Variants in TMTC1 observed in about 807,000 individuals in gnomAD.
TMTC1 encodes protein O-mannosyl-transferase TMTC1.
A neutral mutation model predicts 104.8 loss-of-function variants in TMTC1; 73 were observed. The observed-to-expected ratio is 0.70, with a 90% CI of 0.58 to 0.85. TMTC1 has a LOEUF of 0.85. TMTC1 is among the 40% of genes least tolerant of loss of function. The probability of loss-of-function intolerance (pLI) is 0.00; values close to 1 mark genes in which losing one functional copy is unlikely to be tolerated. For synonymous variants in TMTC1, 434 were observed against 428.7 expected (o/e 1.01, Z -0.15); for missense variants, 1,035 against 1,096.1 (o/e 0.94, Z 0.79).
intron 5 of TMTC1, among the ~76,000 whole-genome samples, chr12:29,663,165 T>C (rs1223721082): frequency 1.3e-5 from 2 of 152,182 alleles, no homozygotes; most frequent in African/African-American, 4.8e-5. Flanking sequence ...GCCTAAAAGG[T>C]AAAGCCCTGC....
chr12:29,507,115 T>C (rs1038984978), intron 17 of TMTC1, 129 bp from the exon 18 acceptor site: 2 of 751,610 alleles, frequency 2.7e-6, no homozygotes, highest in Admixed American at 2.5e-5. Flanking sequence ...ACTCTGTCTG[T>C]ATGTGTAATT....
intron 11 of TMTC1, among the ~76,000 whole-genome samples, chr12:29,532,170 C>T (rs1370650698): frequency 2.0e-5 from 3 of 152,078 alleles, no homozygotes; most frequent in African/African-American, 7.2e-5. Context: ...ATTTTTCTAG[C>T]CCTGATCTCT....
chr12:29,660,853 A>G (rs1173604016), intron 5 of TMTC1: 2 of 1,506,284 alleles, frequency 1.3e-6, no homozygotes, highest in Non-Finnish European at 1.8e-6. Context: ...CATGGTAAGC[A>G]GGAAATTTCT....
intron 7 of TMTC1, among the ~76,000 whole-genome samples, chr12:29,602,134 T>A (rs1250096573): frequency 2.0e-5 from 3 of 151,366 alleles, no homozygotes; most frequent in Middle Eastern, 3.4e-3. Flanking sequence ...GCGCCTGGCA[T>A]CTCATGTTTT....
In TMTC1 at chr12:29,503,184, T is replaced by C. The variant is rs1257878885; in HGVS notation, c.*3662A>G. On this transcript the variant is annotated 3_prime_UTR_variant, in exon 18 of 18. Coordinates refer to ENST00000539277, the MANE Select transcript of TMTC1 (RefSeq NM_001193451.2). ...GAATCTTATGCTAAGGGTTGTGAAG[T>C]ACTGCAGGAGGTTGGAATTAAAGTG... 1 of 152,194 alleles carries C rather than the reference T, an allele frequency of 6.6e-6. No homozygotes were observed. The highest frequency in any genetic ancestry group is 2.4e-5 in the African/African-American group (1 of 41,454). 9.4% of individuals were successfully genotyped at this position (152,194 alleles called of 1,614,324 possible). A position where few individuals can be genotyped will look rare whatever the true frequency, so the allele number is the denominator to read the frequency against.
At chr12:29,724,561 T>C (rs1373218218) in intron 5 of TMTC1, among the ~76,000 whole-genome samples, 6 of 152,160 alleles carry the variant, frequency 3.9e-5, no homozygotes, top group East Asian at 3.9e-4. Context: ...CAGCATTACA[T>C]AGAGTATTAC....
chr12:29,722,590 G>A (rs981920779), intron 5 of TMTC1, among the ~76,000 whole-genome samples: 4 of 152,086 alleles, frequency 2.6e-5, no homozygotes, highest in African/African-American at 9.7e-5. Context: ...TGTATATGTC[G>A]ATGATCTAAA....
rs573538088 is a variant in TMTC1, at chr12:29,696,024, G to A, written c.938+55642C>T. On this transcript the variant is annotated intron_variant, in intron 5 of 17. Transcript: ENST00000539277. ...TTGATGGATGGCAGTTATTTTCCAC[G>A]ACTCCTATTACCTTCCAGTGGTGTT... Among the ~76,000 whole-genome samples, 49 of 151,810 alleles carry A rather than the reference G, an allele frequency of 3.2e-4. No individual in the cohort carries two copies. In the South Asian group the frequency reaches 4.6e-3, roughly 14 times the overall value.
At chr12:29,703,112 C>A (rs1361139283) in intron 5 of TMTC1, among the ~76,000 whole-genome samples, 1 of 150,914 alleles carries the variant, frequency 6.6e-6, no homozygotes, top group Non-Finnish European at 1.5e-5. Context: ...CCATTGCAGT[C>A]CAGTCTGGGT....
rs1282641081 is a variant in TMTC1, at chr12:29,501,709, T to C, written c.*5137A>G. ...ACATGTCTCTCCAGGTAGGAGTCAA[T>C]GGTGATCTATGCTTACAAACCAATA... On this transcript the variant is annotated 3_prime_UTR_variant, in exon 18 of 18. Coordinates refer to ENST00000539277, the MANE Select transcript of TMTC1 (RefSeq NM_001193451.2). The C allele has an allele frequency of 6.6e-6, 1 of 152,182 alleles. No individual in the cohort carries two copies. Among genetic ancestry groups the C allele is most frequent in the Non-Finnish European group, 1.5e-5 (1 of 68,032 alleles). The allele number at this position is 152,182 out of a possible 1,614,324, so 9.4% of individuals were successfully genotyped here. A position where few individuals can be genotyped will look rare whatever the true frequency, so the allele number is the denominator to read the frequency against.
intron 7 of TMTC1, among the ~76,000 whole-genome samples, chr12:29,592,449 C>T (rs1946305538): frequency 6.6e-6 from 1 of 152,148 alleles, no homozygotes; most frequent in African/African-American, 2.4e-5. Context: ...TGAAAGGATT[C>T]TTTATATATA....
chr12:29,761,580 T>TC (rs1469457896), intron 2 of TMTC1, among the ~76,000 whole-genome samples: 1 of 12,006 alleles, frequency 8.3e-5, no homozygotes, highest in Non-Finnish European at 2.6e-4. Context: ...CATGCATTTC[T>TC]CGTTTTTTTT....
intron 5 of TMTC1, among the ~76,000 whole-genome samples, chr12:29,687,084 A>C (rs1420587359): frequency 1.3e-5 from 2 of 152,258 alleles, no homozygotes; most frequent in Non-Finnish European, 2.9e-5. Flanking sequence ...TTTGGCAACC[A>C]CAATAATACG....
At chr12:29,629,359 G>A (rs753413009) in intron 6 of TMTC1, among the ~76,000 whole-genome samples, 1 of 151,506 alleles carries the variant, frequency 6.6e-6, no homozygotes, top group African/African-American at 2.4e-5. Flanking sequence ...ACCTGGAAGT[G>A]CCTCCACCCT....
At chr12:29,596,727 C>A (rs989513812) in intron 7 of TMTC1, among the ~76,000 whole-genome samples, 1 of 152,186 alleles carries the variant, frequency 6.6e-6, no homozygotes, top group Non-Finnish European at 1.5e-5. Flanking sequence ...GCTTTTCCTG[C>A]CCCTCTACTG....
At chr12:29,658,659 G>A in intron 5 of TMTC1, 1 of 211,740 alleles carries the variant, frequency 4.7e-6, no homozygotes, top group Admixed American at 4.2e-5. Flanking sequence ...TTTTCGAACA[G>A]GAACCATTCC....
At chr12:29,668,825 T>C (rs750899891) in intron 5 of TMTC1, among the ~76,000 whole-genome samples, 6 of 152,250 alleles carry the variant, frequency 3.9e-5, no homozygotes, top group Non-Finnish European at 5.9e-5. Flanking sequence ...CATACAGTTC[T>C]ACAATGAAGG....
chr12:29,767,970 A>G lies in TMTC1; in HGVS notation c.408T>C (p.Thr136=). The G allele has an allele frequency of 6.2e-7, 1 of 1,613,972 alleles. No homozygotes were observed. Among genetic ancestry groups the G allele is most frequent in the Non-Finnish European group, 8.5e-7 (1 of 1,179,906 alleles). The change falls in exon 2 of 18, where the codon ACT becomes ACC. Residue 136 remains threonine (T), a synonymous_variant. Coordinates refer to ENST00000539277, the MANE Select transcript of TMTC1 (RefSeq NM_001193451.2). ...TLVLMYTCDK[T]VFKNRGLAFV... is the part of the protein sequence containing the mutation. ...AAGCAAGTCCACGATTCTTGAAGAC[A>G]GTTTTATCACAGGTGTACATCAGCA...
In TMTC1 at chr12:29,654,656, A is replaced by T. The variant is rs183412608; in HGVS notation, c.939-21320T>A. Among the ~76,000 whole-genome samples, 17 of 152,276 alleles carry T rather than the reference A, an allele frequency of 1.1e-4. No individual in the cohort carries two copies. The East Asian group carries it at 3.1e-3, about 28-fold the overall frequency. ...CATCTACACAAAAACTTGTATGTGAATGTTCATAGCACCATTATTCGTAAT... is the reference window on the plus strand; with the variant it reads ...CATCTACACAAAAACTTGTATGTGATTGTTCATAGCACCATTATTCGTAAT... On this transcript the variant is annotated intron_variant, in intron 5 of 17. Transcript: ENST00000539277.
Sources: gnomAD v4.1 joint callset for allele counts (sites outside exome capture counted in the v4.1 genomes callset) on GRCh38, gnomAD v4.1.1 for gene constraint, MANE v1.5 for transcripts, NCBI Gene and HGNC (gene_info 2026-07-23, HGNC 2026-07-21) for gene names.